Variants in LARP1B observed in about 807,000 individuals in gnomAD.
LARP1B encodes La ribonucleoprotein 1B.
A neutral mutation model predicts 114.2 loss-of-function variants in LARP1B; 76 were observed. The ratio of observed to expected loss-of-function variants is 0.67; its 90% CI spans 0.55 to 0.81. LARP1B has a LOEUF of 0.81. LARP1B is among the 30% of genes least tolerant of loss of function. LARP1B has a pLI of 0.00. For synonymous variants in LARP1B, 345 were observed against 348.0 expected, an observed-to-expected ratio of 0.99 and a Z score of 0.10; for missense variants, 1,014 against 1,075.8, an observed-to-expected ratio of 0.94 and a Z score of 0.80.
At chr4:128,201,732 G>T (rs1337367071) in intron 17 of LARP1B, among the ~76,000 whole-genome samples, 1 of 152,126 alleles carries the variant, frequency 6.6e-6, no homozygotes, top group African/African-American at 2.4e-5. Context: ...AGTGCCTGTA[G>T]GGCTGAGTGA....
At chr4:128,181,023 TG>T (rs1748149025) in intron 15 of LARP1B, among the ~76,000 whole-genome samples, 1 of 152,190 alleles carries the variant, frequency 6.6e-6, no homozygotes. Context: ...TGTTTTAAAG[TG>T]GGTTTAATGT....
chr4:128,110,803 T>C (rs7686130), intron 9 of LARP1B, among the ~76,000 whole-genome samples: 88,115 of 151,092 alleles, frequency 0.58, 26,642 homozygotes, highest in Middle Eastern at 0.8. Context: ...AATTCTTTAG[T>C]GTTTTAATGT....
intron 1 of LARP1B, among the ~76,000 whole-genome samples, chr4:128,065,253 A>ATTTCCTTC (rs1553982286): frequency 7.8e-5 from 7 of 89,540 alleles, no homozygotes; most frequent in Non-Finnish European, 1.4e-4. Context: ...CCCACAATTA[A>ATTTCCTTC]TTTCTTTCTT....
chr4:128,126,810 T>A (rs866658052), intron 11 of LARP1B, among the ~76,000 whole-genome samples: 76 of 95,130 alleles, frequency 8.0e-4, no homozygotes, highest in Admixed American at 1.9e-3. Context: ...TTATTTGTTT[T>A]TGTTTTTTTT....
chr4:128,209,549 G>A (rs1012533131), intron 19 of LARP1B, among the ~76,000 whole-genome samples: 26 of 152,096 alleles, frequency 1.7e-4, no homozygotes, highest in Admixed American at 8.5e-4. Context: ...CTAGTAGGCT[G>A]ATTTAGTTAG....
intron 1 of LARP1B, among the ~76,000 whole-genome samples, chr4:128,070,036 A>G (rs1764594773): frequency 6.6e-6 from 1 of 152,162 alleles, no homozygotes; most frequent in Non-Finnish European, 1.5e-5. Flanking sequence ...TAATTTACTG[A>G]GGCCGAGCGC....
At chr4:128,123,079 C>T in intron 11 of LARP1B, 2 of 985,180 alleles carry the variant, frequency 2.0e-6, no homozygotes, top group Non-Finnish European at 2.4e-6. Flanking sequence ...CAATTAGTGG[C>T]TGAGTAGAGG....
intron 5 of LARP1B, among the ~76,000 whole-genome samples, chr4:128,085,178 C>A (rs1361033451): frequency 6.6e-6 from 1 of 152,170 alleles, no homozygotes; most frequent in South Asian, 2.1e-4. Flanking sequence ...GATTATTAAC[C>A]TTGATTACTT....
chr4:128,142,528 G>A (rs1658956511), intron 11 of LARP1B, among the ~76,000 whole-genome samples: 1 of 146,228 alleles, frequency 6.8e-6, no homozygotes, highest in Admixed American at 6.9e-5. Context: ...TTTTTTTTGA[G>A]ATGGAGTTTC....
At chr4:128,060,960 G>A (rs950867838), upstream of LARP1B, among the ~76,000 whole-genome samples, 4 of 152,160 alleles carry the variant, frequency 2.6e-5, no homozygotes, top group Admixed American at 6.5e-5. Context: ...GGTCCTCCCA[G>A]CGCCATGTGC....
chr4:128,111,020 G>A (rs964573606), intron 9 of LARP1B, among the ~76,000 whole-genome samples: 1 of 151,544 alleles, frequency 6.6e-6, no homozygotes, highest in Non-Finnish European at 1.5e-5. Flanking sequence ...AGGCCAGACT[G>A]GGTGACATAC....
At position 128,065,274 on chromosome 4, in the gene LARP1B, TTTC is replaced by T. The variant is rs1203470126; in HGVS notation, c.-78+3876_-78+3878del. On this transcript the variant is annotated intron_variant, in intron 1 of 19. Transcript: ENST00000326639. ...ATTAATTTCTTTCTTTCTTTCTTTC[TTTC>T]TTTCTTTCTTTCTTTCTTTCTTTCT... Among the ~76,000 whole-genome samples the T allele has an allele frequency of 4.3e-3, 537 of 125,636 alleles. 10 individuals carry two copies. The highest frequency in any genetic ancestry group is 6.8e-3 in the Non-Finnish European group (398 of 58,568). The allele number at this position is 125,636 out of a possible 152,430, so 82.4% of individuals were successfully genotyped here.
chr4:128,097,166 G>C (rs1778366493), intron 7 of LARP1B, among the ~76,000 whole-genome samples: 1 of 152,222 alleles, frequency 6.6e-6, no homozygotes, highest in Admixed American at 6.5e-5. Context: ...CGAAGGTGCT[G>C]GGGTTACAGG....
intron 1 of LARP1B, among the ~76,000 whole-genome samples, chr4:128,071,102 A>C (rs531436508): frequency 6.6e-6 from 1 of 152,020 alleles, no homozygotes; most frequent in Admixed American, 6.5e-5. Flanking sequence ...GCTGGAGTGC[A>C]GTGGCGTGAT....
rs199707342 is a variant in LARP1B at position 128,065,253 on chromosome 4, A to ATTTCTTTCTTTC, written c.-78+3906_-78+3917dup. ...ACTCTGCACTGTTCTCCCACAATTA[A>ATTTCTTTCTTTC]TTTCTTTCTTTCTTTCTTTCTTTCT... On this transcript the variant is annotated intron_variant, in intron 1 of 19. Transcript: ENST00000326639. Among the ~76,000 whole-genome samples the ATTTCTTTCTTTC allele has an allele frequency of 8.7e-3, 776 of 89,374 alleles. 8 individuals are homozygous for ATTTCTTTCTTTC. The highest frequency in any genetic ancestry group is 0.011 in the African/African-American group (272 of 24,054). The allele number at this position is 89,374 out of a possible 152,430, so 58.6% of individuals were successfully genotyped here. A position where few individuals can be genotyped will look rare whatever the true frequency, so the allele number is the denominator to read the frequency against.
rs1017003882 is a variant in LARP1B at position 128,156,005 on chromosome 4, C to G, written c.1525-6189C>G. 6 of 1,558,822 alleles carry G rather than the reference C, an allele frequency of 3.8e-6. No homozygotes were observed. In the African/African-American group the frequency reaches 8.1e-5, roughly 21 times the overall value. ...CCTGTACCTTGTATCTCCCTTTCCC[C>G]AGGGCCTGTGCTTGAACCTGCGGCA... On this transcript the variant is annotated intron_variant, in intron 11 of 19. Coordinates refer to ENST00000326639, the MANE Select transcript of LARP1B (RefSeq NM_018078.4).
chr4:128,123,505 A>AT (rs1207378424), intron 11 of LARP1B: 1 of 519,006 alleles, frequency 1.9e-6, no homozygotes, highest in African/African-American at 2.1e-5. Flanking sequence ...ACCATAGCAT[A>AT]TATCATTATC....
At chr4:128,095,590 A>G (rs1414953685) in intron 7 of LARP1B, among the ~76,000 whole-genome samples, 1 of 152,036 alleles carries the variant, frequency 6.6e-6, no homozygotes, top group Non-Finnish European at 1.5e-5. Context: ...CACTCTGACA[A>G]TTGGGTAAAT....
intron 11 of LARP1B, chr4:128,156,288 T>C: frequency 1.2e-6 from 1 of 828,486 alleles, no homozygotes; most frequent in Non-Finnish European, 2.0e-6. Context: ...GCCTGGACAG[T>C]ATCCCATACC....
Sources: allele counts gnomAD v4.1 joint callset (sites outside exome capture counted in the v4.1 genomes callset), GRCh38; gene constraint gnomAD v4.1.1; transcripts MANE v1.5; gene names NCBI Gene and HGNC (gene_info 2026-07-23, HGNC 2026-07-21).